The following BCL2 variants were observed in gnomAD, a reference collection of about 807,000 sequenced individuals.
BCL2 encodes the protein apoptosis regulator Bcl-2.
In BCL2, 1 loss-of-function variant was observed where a neutral mutation model predicts 14.2. The observed-to-expected ratio is 0.07, with a 90% CI of 0.02 to 0.33. The LOEUF is 0.33. BCL2 is among the 10% of genes least tolerant of loss of function. BCL2 has a pLI of 0.99. For synonymous variants in BCL2, 151 were observed against 137.2 expected (o/e 1.10, Z -0.70); for missense variants, 247 against 305.9 (o/e 0.81, Z 1.44).
intron 2 of BCL2, among the ~76,000 whole-genome samples, chr18:63,202,939 T>G (rs950664176): frequency 1.3e-5 from 2 of 152,130 alleles, no homozygotes; most frequent in Admixed American, 6.5e-5. Context: ...TTTCTTCTCC[T>G]CTCTTCTCCC....
chr18:63,247,502 T>C (rs1911185363), intron 2 of BCL2, among the ~76,000 whole-genome samples: 1 of 152,062 alleles, frequency 6.6e-6, no homozygotes, highest in Admixed American at 6.5e-5. Context: ...CCGGCCACAA[T>C]AGGATCTTGG....
At chr18:63,266,301 C>T (rs1445608769) in intron 2 of BCL2, among the ~76,000 whole-genome samples, 1 of 151,054 alleles carries the variant, frequency 6.6e-6, no homozygotes, top group East Asian at 1.9e-4. Flanking sequence ...GTTAATCAAA[C>T]AAAGCAAATT....
chr18:63,223,655 G>A (rs1198010519), intron 2 of BCL2, among the ~76,000 whole-genome samples: 2 of 152,218 alleles, frequency 1.3e-5, no homozygotes, highest in African/African-American at 4.8e-5. Flanking sequence ...CAGGCAGGGC[G>A]GCATCTTGCA....
At chr18:63,137,158 T>A (rs1914228538) in intron 2 of BCL2, among the ~76,000 whole-genome samples, 1 of 152,214 alleles carries the variant, frequency 6.6e-6, no homozygotes, top group South Asian at 2.1e-4. Context: ...CCAACCTAGT[T>A]CTCCTGCTCA....
intron 2 of BCL2, among the ~76,000 whole-genome samples, chr18:63,213,903 CA>C (rs1910125351): frequency 1.3e-5 from 2 of 151,938 alleles, no homozygotes; most frequent in Non-Finnish European, 2.9e-5. Flanking sequence ...CTCTAGGTCC[CA>C]AAAAACAGTG....
intron 2 of BCL2, among the ~76,000 whole-genome samples, chr18:63,167,685 G>A (rs1028684940): frequency 1.3e-5 from 2 of 152,070 alleles, no homozygotes; most frequent in Non-Finnish European, 2.9e-5. Context: ...CCCAGCATAT[G>A]GGGAGGCCAA....
chr18:63,272,740 C>T (rs1324516827), intron 2 of BCL2, among the ~76,000 whole-genome samples: 1 of 152,204 alleles, frequency 6.6e-6, no homozygotes, highest in Middle Eastern at 3.2e-3. Context: ...CATAAATACA[C>T]ACACAGCAGG....
At chr18:63,189,445 T>C in intron 2 of BCL2, among the ~76,000 whole-genome samples, 1 of 152,166 alleles carries the variant, frequency 6.6e-6, no homozygotes, top group East Asian at 1.9e-4. Flanking sequence ...GTTAGGTATA[T>C]CAAGTTCCTC....
chr18:63,174,718 G>A (rs1915310075), intron 2 of BCL2, among the ~76,000 whole-genome samples: 1 of 151,568 alleles, frequency 6.6e-6, no homozygotes, highest in African/African-American at 2.4e-5. Flanking sequence ...TACTCGGGGG[G>A]CTGAGGCAGG....
At chr18:63,139,243 G>C (rs372516196) in intron 2 of BCL2, among the ~76,000 whole-genome samples, 1 of 152,178 alleles carries the variant, frequency 6.6e-6, no homozygotes, top group Admixed American at 6.5e-5. Flanking sequence ...TTCAAAAGAC[G>C]TACTTCTGAA....
Position 63,156,087 on chromosome 18 carries a change from CAAAAAAA to C in BCL2, c.586-27335_586-27329del, listed in dbSNP as rs10640757. ...ATATTCATGAGGCTTGCTGAGAAGC[CAAAAAAA>C]AAAAAAAAAAAAGGCTTGGACGGCA... On this transcript the variant is annotated intron_variant, in intron 2 of 2. Transcript: ENST00000333681. Among the ~76,000 whole-genome samples, 37 of 64,252 alleles carry C rather than the reference CAAAAAAA, an allele frequency of 5.8e-4. 1 individual carries two copies. Among genetic ancestry groups the C allele is most frequent in the Non-Finnish European group, 9.6e-4 (32 of 33,214 alleles). 42.2% of individuals were successfully genotyped at this position (64,252 alleles called of 152,430 possible).
chr18:63,273,942 A>T (rs1912075389), intron 2 of BCL2, among the ~76,000 whole-genome samples: 1 of 152,230 alleles, frequency 6.6e-6, no homozygotes, highest in Admixed American at 6.5e-5. Context: ...ATTCTTCACA[A>T]AGGAATAAAA....
At chr18:63,153,761 C>A (rs1035289789) in intron 2 of BCL2, among the ~76,000 whole-genome samples, 6 of 152,116 alleles carry the variant, frequency 3.9e-5, no homozygotes, top group Non-Finnish European at 8.8e-5. Flanking sequence ...CATGAGGTCC[C>A]CACCTGGAAT....
rs531646089 is a variant in BCL2, at chr18:63,233,645, T to G, written c.585+84437A>C. On this transcript the variant is annotated intron_variant, in intron 2 of 2. Coordinates refer to ENST00000333681, the MANE Select transcript of BCL2 (RefSeq NM_000633.3). ...ACAGGAGGTGGGGCTCAGGTGGTCA[T>G]GCTGGCTCTCCTGCAGCTCACCTTC... Among the ~76,000 whole-genome samples the G allele has an allele frequency of 2.6e-5, 4 of 152,336 alleles. No homozygotes were observed. In the East Asian group the frequency reaches 7.7e-4, roughly 29 times the overall value.
intron 2 of BCL2, among the ~76,000 whole-genome samples, chr18:63,247,265 CT>C (rs1216568465): frequency 6.0e-5 from 9 of 150,166 alleles, no homozygotes; most frequent in Non-Finnish European, 5.9e-5. Flanking sequence ...ATGATGCAAT[CT>C]CGGCTCACTG....
chr18:63,232,205 GT>G (rs967436185), intron 2 of BCL2, among the ~76,000 whole-genome samples: 55 of 151,904 alleles, frequency 3.6e-4, no homozygotes, highest in African/African-American at 1.3e-3. Context: ...AGGAAAAAAT[GT>G]TTTTTAGACA....
intron 2 of BCL2, among the ~76,000 whole-genome samples, chr18:63,158,925 C>CAGTA (rs1302801699): frequency 1.3e-5 from 2 of 152,164 alleles, no homozygotes; most frequent in Non-Finnish European, 2.9e-5. Context: ...TTTTCCAAAG[C>CAGTA]AGTGCAATTC....
intron 2 of BCL2, among the ~76,000 whole-genome samples, chr18:63,281,482 C>G (rs2144254709): frequency 6.6e-6 from 1 of 151,996 alleles, no homozygotes; most frequent in South Asian, 2.1e-4. Context: ...CTGGGTAACA[C>G]AGTGAGACCC....
At position 63,318,557 on chromosome 18, in the gene BCL2, G is replaced by A. The variant is rs2144325609; in HGVS notation, c.110C>T (p.Ala37Val). 6.3e-7 allele frequency: 1 copy of A among 1,591,098 alleles called. No individual in the cohort carries two copies. Among genetic ancestry groups the A allele is most frequent in the Non-Finnish European group, 8.5e-7 (1 of 1,171,246 alleles). ...TGCGGGGGCGGCCCCCGGGGGCGCG[G>A]CGCCCACATCTCCCGCATCCCACTC... ...GYEWDAGDVG[A>V]APPGAAPAPG... is the part of the protein sequence containing the mutation. Residue 37 changes from alanine (A) to valine (V), a missense_variant, in exon 2 of 3, where the codon GCC (alanine) becomes GTC (valine). By Grantham distance (64) the Ala-to-Val change is moderately conservative (BLOSUM62 0). This residue lies in a region of BCL2 where 144 missense variants were observed against 135.3 expected (regional missense o/e 1.06). Coordinates refer to ENST00000333681, the MANE Select transcript of BCL2 (RefSeq NM_000633.3). This position sits in a 1 kb window ranked among gnomAD's most constrained non-coding sequence, Gnocchi z 7.4.
Sources: allele counts gnomAD v4.1 joint callset (sites outside exome capture counted in the v4.1 genomes callset), GRCh38; gene constraint gnomAD v4.1.1; regional missense constraint gnomAD v4.1.1; non-coding constraint Gnocchi (gnomAD v3.1); transcripts MANE v1.5; gene names NCBI Gene and HGNC (gene_info 2026-07-23, HGNC 2026-07-21).